BCKDHB: variants seen among roughly 807,000 people sequenced by gnomAD.
BCKDHB encodes the protein branched chain keto acid dehydrogenase E1 subunit beta.
A neutral mutation model predicts 48.5 loss-of-function variants in BCKDHB; 41 were observed. The observed-to-expected ratio is 0.85, with a 90% confidence interval of 0.66 to 1.10. The LOEUF is 1.10. Ranked by LOEUF, BCKDHB falls within the 50% of genes least tolerant of loss-of-function variation. The pLI is 0.00. For synonymous variants in BCKDHB, 201 were observed against 174.8 expected (o/e 1.15, Z -1.18); for missense variants, 496 against 494.2 (o/e 1.00, Z -0.03).
At chr6:80,163,313 T>C (rs987980133) in intron 3 of BCKDHB, among the ~76,000 whole-genome samples, 8 of 13,196 alleles carry the variant, frequency 6.1e-4, no homozygotes, top group African/African-American at 5.0e-3. Context: ...CAATTAAGCT[T>C]TTTTTTTTTT....
chr6:80,396,968 G>A, the BCKDHB span, among the ~76,000 whole-genome samples: 2 of 152,090 alleles, frequency 1.3e-5, no homozygotes, highest in Non-Finnish European at 2.9e-5. Context: ...AGGAAAAGGG[G>A]GCCCAAGTCT....
the BCKDHB span, among the ~76,000 whole-genome samples, chr6:80,428,336 G>T: frequency 3.3e-5 from 5 of 152,122 alleles, no homozygotes; most frequent in African/African-American, 1.2e-4. Flanking sequence ...AAACATACGT[G>T]TGCATGTGTC....
chr6:80,317,223 C>T (rs752073517), intron 9 of BCKDHB, among the ~76,000 whole-genome samples: 3 of 152,160 alleles, frequency 2.0e-5, no homozygotes, highest in Non-Finnish European at 2.9e-5. Flanking sequence ...TACCCAAATA[C>T]CGTTCCAAAA....
chr6:80,192,191 G>GT (rs971078070), intron 6 of BCKDHB, among the ~76,000 whole-genome samples: 4 of 151,776 alleles, frequency 2.6e-5, no homozygotes, highest in African/African-American at 4.8e-5. Flanking sequence ...TTAATTAGCA[G>GT]TTTTTTTTCT....
chr6:80,465,840 T>C, the BCKDHB span: 2 of 152,268 alleles, frequency 1.3e-5, no homozygotes, highest in East Asian at 3.9e-4. Flanking sequence ...GTTTTGCAAA[T>C]ACCCAGACAC....
At chr6:80,406,917 T>G in the BCKDHB span, among the ~76,000 whole-genome samples, 1 of 152,232 alleles carries the variant, frequency 6.6e-6, no homozygotes, top group Admixed American at 6.5e-5. Flanking sequence ...GTTTTAGTCA[T>G]GAAGTCCTTG....
At chr6:80,456,308 T>C in the BCKDHB span, among the ~76,000 whole-genome samples, 1 of 151,742 alleles carries the variant, frequency 6.6e-6, no homozygotes, top group Non-Finnish European at 1.5e-5. Context: ...CGGATGTCCA[T>C]ACGTTGAATA....
intron 8 of BCKDHB, among the ~76,000 whole-genome samples, chr6:80,203,775 T>C (rs1774509156): frequency 6.6e-6 from 1 of 152,106 alleles, no homozygotes; most frequent in Non-Finnish European, 1.5e-5. Flanking sequence ...TACATTGGTC[T>C]TGTTTTTACT....
the BCKDHB span, among the ~76,000 whole-genome samples, chr6:80,422,372 C>A: frequency 2.6e-5 from 4 of 152,164 alleles, no homozygotes; most frequent in African/African-American, 9.7e-5. Context: ...AGGAGTGGGG[C>A]CCTCATGGAG....
intron 8 of BCKDHB, among the ~76,000 whole-genome samples, chr6:80,223,992 A>G (rs1198040966): frequency 6.6e-6 from 1 of 152,150 alleles, no homozygotes; most frequent in Non-Finnish European, 1.5e-5. Flanking sequence ...CCCTCTAGGG[A>G]TGAGAGGCTT....
At position 80,344,676 on chromosome 6, in the gene BCKDHB, G is replaced by A. The variant is rs1385206435; in HGVS notation, c.*872G>A. ...TGTGATTTCTAAAAAATAGATGCATGCATATGTTAACATTGAATAGTCAAT... is the reference window on the plus strand; with the variant it reads ...TGTGATTTCTAAAAAATAGATGCATACATATGTTAACATTGAATAGTCAAT... On this transcript the variant is annotated 3_prime_UTR_variant, in exon 10 of 10. Transcript: ENST00000320393. 6.6e-6 allele frequency: 1 copy of A among 152,144 alleles called. No homozygotes were observed. Among genetic ancestry groups the A allele is most frequent in the Non-Finnish European group, 1.5e-5 (1 of 68,030 alleles). The allele number at this position is 152,144 out of a possible 1,614,324, so 9.4% of individuals were successfully genotyped here.
At chr6:80,227,272 G>A (rs146380220) in intron 8 of BCKDHB, among the ~76,000 whole-genome samples, 6 of 152,304 alleles carry the variant, frequency 3.9e-5, no homozygotes, top group Non-Finnish European at 8.8e-5. Context: ...GTCCCTGTAA[G>A]TTGTATTACA....
chr6:80,149,021 G>T (rs1771625416), intron 3 of BCKDHB, among the ~76,000 whole-genome samples: 1 of 152,148 alleles, frequency 6.6e-6, no homozygotes, highest in Non-Finnish European at 1.5e-5. Flanking sequence ...ACTACCATCA[G>T]AGTGAACAGG....
chr6:80,384,375 C>G, the BCKDHB span, among the ~76,000 whole-genome samples: 1 of 146,242 alleles, frequency 6.8e-6, no homozygotes, highest in African/African-American at 2.6e-5. Context: ...TTGTTGTTTT[C>G]TGAGATGGAG....
chr6:80,311,124 A>G (rs935332153), intron 9 of BCKDHB, among the ~76,000 whole-genome samples: 1 of 151,648 alleles, frequency 6.6e-6, no homozygotes, highest in Non-Finnish European at 1.5e-5. Flanking sequence ...ATGATAGTGA[A>G]TAAGTCTCAT....
At chr6:80,424,036 CT>C in the BCKDHB span, among the ~76,000 whole-genome samples, 1 of 152,118 alleles carries the variant, frequency 6.6e-6, no homozygotes, top group South Asian at 2.1e-4. Context: ...AAACATCTAT[CT>C]ATTAATTTTT....
At chr6:80,125,936 T>C (rs1475679048) in intron 1 of BCKDHB, among the ~76,000 whole-genome samples, 1 of 152,178 alleles carries the variant, frequency 6.6e-6, no homozygotes, top group East Asian at 1.9e-4. Flanking sequence ...CTACAAAGTT[T>C]CCATTTGTAA....
At chr6:80,403,102 C>A in the BCKDHB span, among the ~76,000 whole-genome samples, 5 of 151,644 alleles carry the variant, frequency 3.3e-5, no homozygotes, top group Admixed American at 3.3e-4. Flanking sequence ...TTTGTGATTC[C>A]ATATGAAGGT....
the BCKDHB span, among the ~76,000 whole-genome samples, chr6:80,455,786 C>A: frequency 6.6e-6 from 1 of 152,014 alleles, no homozygotes; most frequent in Non-Finnish European, 1.5e-5. Context: ...ACATTTCCAA[C>A]CACATTTTAG....
Sources: allele counts gnomAD v4.1 joint callset (sites outside exome capture counted in the v4.1 genomes callset), GRCh38; gene constraint gnomAD v4.1.1; transcripts MANE v1.5; gene names NCBI Gene and HGNC (gene_info 2026-07-23, HGNC 2026-07-21).